GRIK2: variants seen among roughly 807,000 people sequenced by gnomAD.
GRIK2 encodes glutamate receptor ionotropic, kainate 2.
In GRIK2, 32 loss-of-function variants were observed where a neutral mutation model predicts 100.3. The ratio of observed to expected loss-of-function variants is 0.32; its 90% CI spans 0.24 to 0.43. The LOEUF (loss-of-function observed/expected upper bound fraction) is 0.43. GRIK2 is among the 20% of genes least tolerant of loss of function. The pLI is 1.00. For missense variants in GRIK2, 843 were observed against 1,114.9 expected (o/e 0.76, Z 3.47); for synonymous variants, 417 against 389.4 (o/e 1.07, Z -0.83).
At chr6:101,585,118 T>C (rs1778293556) in intron 2 of GRIK2, among the ~76,000 whole-genome samples, 1 of 152,014 alleles carries the variant, frequency 6.6e-6, no homozygotes. Flanking sequence ...CTTATAACCC[T>C]TAGGCATGAT....
chr6:101,841,370 T>TG (rs1783488906), intron 10 of GRIK2, among the ~76,000 whole-genome samples: 1 of 79,552 alleles, frequency 1.3e-5, no homozygotes, highest in East Asian at 2.0e-3. Context: ...CTCAGAATGA[T>TG]TTTTTTTTTT....
Position 101,495,253 on chromosome 6 carries a change from C to T in GRIK2, c.115+95861C>T, listed in dbSNP as rs191421766. Among the ~76,000 whole-genome samples the T allele has an allele frequency of 9.5e-4, 145 of 152,062 alleles. 2 individuals are homozygous for T. The highest frequency in any genetic ancestry group is 3.4e-3 in the Middle Eastern group (1 of 294). Reference sequence around the variant, plus strand: ...AGGCACAGTGGCTCATGCCTGTAATCCCAGCACTTTGGGAGGCCGAGGCGG... The same window carrying T: ...AGGCACAGTGGCTCATGCCTGTAATTCCAGCACTTTGGGAGGCCGAGGCGG... On this transcript the variant is annotated intron_variant, in intron 2 of 16. Coordinates refer to ENST00000369134, the MANE Select transcript of GRIK2 (RefSeq NM_021956.5).
chr6:101,399,828 T>C (rs1174445431), intron 2 of GRIK2, among the ~76,000 whole-genome samples: 5 of 152,236 alleles, frequency 3.3e-5, no homozygotes, highest in African/African-American at 4.8e-5. Flanking sequence ...GTTGCGCCTG[T>C]CCGCTTCCGC....
In GRIK2 at chr6:101,609,110, A is replaced by G. The variant is rs562070967; in HGVS notation, c.116-12839A>G. Among the ~76,000 whole-genome samples the G allele has an allele frequency of 7.2e-5, 11 of 151,864 alleles. 1 individual carries two copies. The South Asian group carries it at 2.3e-3, about 32-fold the overall frequency. On this transcript the variant is annotated intron_variant, in intron 2 of 16. Transcript: ENST00000369134. ...TTTGCATGCAAACTCATATATGTAC[A>G]TTATTTCTGCATTAGATCTCTACTA... is the stretch of plus-strand genomic sequence containing the variant.
intron 2 of GRIK2, among the ~76,000 whole-genome samples, chr6:101,426,047 C>T (rs1277946327): frequency 2.0e-5 from 3 of 152,210 alleles, no homozygotes; most frequent in Admixed American, 2.0e-4. Context: ...TCTTTACCCA[C>T]ATCTATTGAG....
Position 101,817,023 on chromosome 6 carries a change from T to C in GRIK2, c.1204-1347T>C, listed in dbSNP as rs77704366. Among the ~76,000 whole-genome samples the C allele has an allele frequency of 1.8e-3, 273 of 152,324 alleles. 14 individuals carry two copies. The East Asian group carries it at 0.048, about 27-fold the overall frequency. ...TGTACATTATCATGTTTCACATTGA[T>C]ATGACCGGCTTGGCTCCTGAAGCCT... On this transcript the variant is annotated intron_variant, in intron 9 of 16. Transcript: ENST00000369134.
chr6:101,707,454 TTTATA>T (rs2128356536), intron 7 of GRIK2, among the ~76,000 whole-genome samples: 2 of 146,688 alleles, frequency 1.4e-5, no homozygotes, highest in African/African-American at 5.0e-5. Context: ...TCACAATTCT[TTTATA>T]TATATTATAT....
chr6:101,975,718 G>T (rs1793320065), intron 14 of GRIK2, among the ~76,000 whole-genome samples: 1 of 151,884 alleles, frequency 6.6e-6, no homozygotes, highest in Non-Finnish European at 1.5e-5. Flanking sequence ...AGGTGGGCAG[G>T]TGGAGTCAGG....
intron 14 of GRIK2, among the ~76,000 whole-genome samples, chr6:102,024,733 A>T (rs1398673031): frequency 1.3e-5 from 2 of 151,270 alleles, no homozygotes; most frequent in African/African-American, 4.8e-5. Context: ...AAAATTATTT[A>T]TGTAGAGCAA....
intron 2 of GRIK2, chr6:101,620,174 C>T (rs749308191): frequency 1.7e-5 from 13 of 748,932 alleles, no homozygotes; most frequent in Non-Finnish European, 2.0e-5. Flanking sequence ...AATGTTAAAC[C>T]CGGTCTAGCT....
At position 101,802,378 on chromosome 6, in the gene GRIK2, T is replaced by G. The variant is rs760180044; in HGVS notation, c.1143T>G (p.Asn381Lys). ...LTGRITFNKT[N>K]GLRTDFDLDV... ...GCAGAATAACTTTCAACAAAACCAA[T>G]GGCTTGAGAACAGATTTTGATTTGG... The change falls in exon 9 of 17, where the codon AAT becomes AAG. Residue 381 changes from asparagine (N) to lysine (K), a missense_variant. Transcript: ENST00000369134. 3 of 1,593,756 alleles carry G rather than the reference T, an allele frequency of 1.9e-6. No homozygotes were observed. The East Asian group carries it at 6.8e-5, about 36-fold the overall frequency.
At chr6:101,628,466 A>C (rs1780562507) in intron 4 of GRIK2, among the ~76,000 whole-genome samples, 1 of 152,060 alleles carries the variant, frequency 6.6e-6, no homozygotes, top group Non-Finnish European at 1.5e-5. Flanking sequence ...AATTAAACCT[A>C]TTAAATTTAT....
chr6:102,050,667 ACGGAATAAGAAAT>A (rs1449325592), intron 15 of GRIK2, among the ~76,000 whole-genome samples: 3 of 150,318 alleles, frequency 2.0e-5, no homozygotes, highest in African/African-American at 7.3e-5. Flanking sequence ...AAAAAAAAAA[ACGGAATAAGAAAT>A]AAAAAGAGAG....
intron 8 of GRIK2, among the ~76,000 whole-genome samples, chr6:101,800,930 G>A (rs1483297394): frequency 1.3e-5 from 2 of 151,988 alleles, no homozygotes; most frequent in South Asian, 2.1e-4. Flanking sequence ...TGAGAATCTT[G>A]TCCACTAAAT....
rs184997149 is a variant in GRIK2, at chr6:101,789,705, G to A, written c.952-9943G>A. 7.9e-3 allele frequency among the ~76,000 whole-genome samples: 1,201 copies of A among 152,110 alleles called. 12 individuals are homozygous for A. The highest frequency in any genetic ancestry group is 9.6e-3 in the Non-Finnish European group (651 of 67,950). On this transcript the variant is annotated intron_variant, in intron 7 of 16. Coordinates refer to ENST00000369134, the MANE Select transcript of GRIK2 (RefSeq NM_021956.5). The stretch of plus-strand genomic sequence containing the variant: ...GCGATGCGGGCTCTTTTTTGGTGCC[G>A]TATGAACTTTAAAGTAGTTTTTTCC...
chr6:101,423,537 C>T (rs959593325), intron 2 of GRIK2, among the ~76,000 whole-genome samples: 2 of 152,088 alleles, frequency 1.3e-5, no homozygotes, highest in African/African-American at 4.8e-5. Flanking sequence ...TTTGCAATTT[C>T]CTGATGAGTT....
chr6:101,941,725 A>T (rs1013298407), intron 14 of GRIK2, among the ~76,000 whole-genome samples: 4 of 152,178 alleles, frequency 2.6e-5, no homozygotes, highest in Non-Finnish European at 2.9e-5. Flanking sequence ...ATGAGATTAA[A>T]AGAAATATTG....
At position 101,753,269 on chromosome 6, in the gene GRIK2, C is replaced by A. The variant is rs190259049; in HGVS notation, c.952-46379C>A. Among the ~76,000 whole-genome samples, 7 of 132,728 alleles carry A rather than the reference C, an allele frequency of 5.3e-5. 1 individual carries two copies. The South Asian group carries it at 1.1e-3, about 22-fold the overall frequency. 87.1% of individuals were successfully genotyped at this position (132,728 alleles called of 152,430 possible). On this transcript the variant is annotated intron_variant, in intron 7 of 16. Transcript: ENST00000369134. ...CTGCACTCCAGCCTGGGCGGCAGAG[C>A]GAGACTCCGTCTCAAAAAAAAAAAA...
chr6:101,802,559 AAT>A (rs1780742436), intron 9 of GRIK2, 121 bp downstream of exon 9: 1 of 426,726 alleles, frequency 2.3e-6, no homozygotes, highest in African/African-American at 2.0e-5. Flanking sequence ...TCTAAAAATA[AAT>A]AGTTAATTCA....
Sources: allele counts gnomAD v4.1 joint callset (sites outside exome capture counted in the v4.1 genomes callset), GRCh38; gene constraint gnomAD v4.1.1; transcripts MANE v1.5; gene names NCBI Gene and HGNC (gene_info 2026-07-23, HGNC 2026-07-21).